The following SLC25A48 variants were observed in gnomAD, a reference collection of about 807,000 sequenced individuals.
SLC25A48 encodes the protein CTC-321K16.1.
In SLC25A48, 29 loss-of-function variants were observed where a neutral mutation model predicts 32.2. That is an observed-to-expected ratio of 0.90 (90% CI 0.67 to 1.23). The LOEUF is 1.23. Among genes scored for constraint, SLC25A48 ranks in the 50% most tolerant of loss-of-function variants. The pLI is 0.00. For missense variants in SLC25A48, 399 were observed against 422.7 expected, an observed-to-expected ratio of 0.94 and a Z score of 0.49; for synonymous variants, 164 against 172.3, an observed-to-expected ratio of 0.95 and a Z score of 0.38.
chr5:135,847,121 C>T (rs1458736875), intron 2 of SLC25A48, among the ~76,000 whole-genome samples: 1 of 152,164 alleles, frequency 6.6e-6, no homozygotes, highest in Non-Finnish European at 1.5e-5. Flanking sequence ...GCTCTGGACA[C>T]CTCAGATTTG....
intron 2 of SLC25A48, among the ~76,000 whole-genome samples, chr5:135,632,845 G>A (rs940886001): frequency 2.0e-5 from 3 of 152,152 alleles, no homozygotes; most frequent in Admixed American, 6.5e-5. Flanking sequence ...GCGAGGAGAG[G>A]CCAGTGTTGA....
intron 4 of SLC25A48, among the ~76,000 whole-genome samples, chr5:135,813,791 AGAG>A (rs1356302099): frequency 6.6e-6 from 1 of 152,056 alleles, no homozygotes; most frequent in Non-Finnish European, 1.5e-5. Context: ...AAAAGGGGAG[AGAG>A]GAGAACTTTC....
chr5:135,855,918 C>A (rs987018643), intron 4 of SLC25A48, among the ~76,000 whole-genome samples: 2 of 152,162 alleles, frequency 1.3e-5, no homozygotes, highest in Non-Finnish European at 2.9e-5. Context: ...TCTTGTTGTG[C>A]GATGTAGCAA....
intron 3 of SLC25A48, among the ~76,000 whole-genome samples, chr5:135,654,197 G>A (rs915173705): frequency 1.6e-4 from 24 of 152,210 alleles, no homozygotes; most frequent in African/African-American, 5.1e-4. Flanking sequence ...CTGGGCCCAT[G>A]TATTACGGCA....
Position 135,778,160 on chromosome 5 carries a change from C to T in SLC25A48, c.-520-34363C>T, listed in dbSNP as rs539810446. Among the ~76,000 whole-genome samples the T allele has an allele frequency of 1.2e-3, 179 of 151,694 alleles. 1 individual carries two copies. Among genetic ancestry groups the T allele is most frequent in the African/African-American group, 3.9e-3 (161 of 41,322 alleles). ...GTACATGCGCCCCGTGGTATTGTTTCTAATATTAAGGGGGGGAGAGGATAA... is the reference window on the plus strand; with the variant it reads ...GTACATGCGCCCCGTGGTATTGTTTTTAATATTAAGGGGGGGAGAGGATAA... On this transcript the variant is annotated intron_variant, in intron 3 of 10. Transcript: ENST00000646290.
intron 5 of SLC25A48, chr5:135,872,074 G>A: frequency 8.8e-7 from 1 of 1,130,414 alleles, no homozygotes; most frequent in African/African-American, 1.6e-5. Flanking sequence ...CTACAAGGTA[G>A]GAATCGGTTT....
chr5:135,774,955 A>G (rs923925575), intron 3 of SLC25A48, among the ~76,000 whole-genome samples: 5 of 151,758 alleles, frequency 3.3e-5, no homozygotes, highest in African/African-American at 1.2e-4. Flanking sequence ...TACTCCCAGT[A>G]TCATAGAGGT....
chr5:135,819,976 A>G (rs1159193853), intron 4 of SLC25A48, among the ~76,000 whole-genome samples: 2 of 152,172 alleles, frequency 1.3e-5, no homozygotes, highest in African/African-American at 4.8e-5. Flanking sequence ...TGTAAAATGA[A>G]TGGATCATTT....
rs1430721283 is a variant in SLC25A48 at position 135,779,773 on chromosome 5, A to G, written c.-520-32750A>G. 1.7e-5 allele frequency among the ~76,000 whole-genome samples: 2 copies of G among 117,242 alleles called. 1 individual carries two copies. Among genetic ancestry groups the G allele is most frequent in the Non-Finnish European group, 4.2e-5 (2 of 47,466 alleles). 76.9% of individuals were successfully genotyped at this position (117,242 alleles called of 152,430 possible). ...ACACCCCCTTTGTAATACTGGTCTT[A>G]ATATCCAACTGGGGAGAGGATAATA... On this transcript the variant is annotated intron_variant, in intron 3 of 10. Transcript: ENST00000646290.
chr5:135,616,018 TTAA>T (rs1295666428), intron 1 of SLC25A48, among the ~76,000 whole-genome samples: 1 of 152,228 alleles, frequency 6.6e-6, no homozygotes, highest in African/African-American at 2.4e-5. Flanking sequence ...CATCTTGGTG[TTAA>T]GCCTGTGGGT....
At chr5:135,721,166 A>G (rs1293209749) in intron 3 of SLC25A48, among the ~76,000 whole-genome samples, 2 of 121,480 alleles carry the variant, frequency 1.6e-5, no homozygotes, top group African/African-American at 6.5e-5. Context: ...CTCAGCCTCC[A>G]GAGTAGCTGG....
Position 135,617,138 on chromosome 5 carries a change from C to A in SLC25A48, c.-848-12099C>A, listed in dbSNP as rs112850871. On this transcript the variant is annotated intron_variant, in intron 1 of 10. Coordinates refer to the SLC25A48 transcript ENST00000646290. ...TTATTACTGATTGAATCTCATTATT[C>A]ATTACTGGTCTGTTCAGGTTTTCTA... Among the ~76,000 whole-genome samples, 1,038 of 152,148 alleles carry A rather than the reference C, an allele frequency of 6.8e-3. 28 individuals carry two copies. Among genetic ancestry groups the A allele is most frequent in the African/African-American group, 0.023 (963 of 41,478 alleles).
intron 1 of SLC25A48, among the ~76,000 whole-genome samples, chr5:135,618,764 G>T (rs767550263): frequency 5.9e-5 from 9 of 151,866 alleles, no homozygotes; most frequent in Non-Finnish European, 1.3e-4. Flanking sequence ...ATTTTTCTGG[G>T]TATAGTATAC....
intron 3 of SLC25A48, among the ~76,000 whole-genome samples, chr5:135,803,543 ACAGT>A (rs1380958138): frequency 1.3e-5 from 2 of 151,948 alleles, no homozygotes; most frequent in African/African-American, 2.4e-5. Flanking sequence ...TTTTAATATC[ACAGT>A]CAGTGTACAC....
At position 135,747,508 on chromosome 5, in the gene SLC25A48, G is replaced by A. The variant is rs188253219; in HGVS notation, c.-520-65015G>A. ...ATTTTCTTGCTTTCTGATACAATAA[G>A]ATATTTCAGTCATCCCTTCTCACTG... On this transcript the variant is annotated intron_variant, in intron 3 of 10. Transcript: ENST00000646290. Among the ~76,000 whole-genome samples the A allele has an allele frequency of 5.1e-3, 770 of 152,128 alleles. 2 individuals carry two copies. The highest frequency in any genetic ancestry group is 8.1e-3 in the Non-Finnish European group (550 of 68,000).
chr5:135,790,476 A>G (rs914197210), intron 3 of SLC25A48, among the ~76,000 whole-genome samples: 1 of 151,320 alleles, frequency 6.6e-6, no homozygotes, highest in African/African-American at 2.4e-5. Flanking sequence ...CTATAGGGGG[A>G]TGTTACTTCT....
intron 2 of SLC25A48, among the ~76,000 whole-genome samples, chr5:135,633,199 A>T (rs1752617199): frequency 6.6e-6 from 1 of 152,178 alleles, no homozygotes; most frequent in Non-Finnish European, 1.5e-5. Flanking sequence ...GTTTATTCAC[A>T]GACACAATGC....
chr5:135,872,511 C>G (rs556957696), intron 5 of SLC25A48: 1 of 152,400 alleles, frequency 6.6e-6, no homozygotes, highest in East Asian at 1.9e-4. Flanking sequence ...GGGATTTTGG[C>G]AAGGGCCATT....
intron 3 of SLC25A48, among the ~76,000 whole-genome samples, chr5:135,712,845 T>G (rs764799581): frequency 5.3e-5 from 8 of 152,268 alleles, no homozygotes; most frequent in Non-Finnish European, 7.3e-5. Context: ...AGACTCCGTT[T>G]CCCTCCAGTG....
Sources: allele counts gnomAD v4.1 joint callset (sites outside exome capture counted in the v4.1 genomes callset), GRCh38; gene constraint gnomAD v4.1.1; transcripts MANE v1.5; gene names NCBI Gene and HGNC (gene_info 2026-07-23, HGNC 2026-07-21).